The following TMEM178A variants were observed in gnomAD, a reference collection of about 807,000 sequenced individuals.
TMEM178A encodes transmembrane protein 178A, also known as transmembrane protein 178.
A neutral mutation model predicts 29.1 loss-of-function variants in TMEM178A; 12 were observed. The observed-to-expected ratio is 0.41, with a 90% CI of 0.26 to 0.67. The LOEUF is 0.67. TMEM178A is among the 30% of genes least tolerant of loss of function. TMEM178A has a pLI of 0.29. For missense variants in TMEM178A, 366 were observed against 419.1 expected, an observed-to-expected ratio of 0.87 and a Z score of 1.11; for synonymous variants, 210 against 187.2, an observed-to-expected ratio of 1.12 and a Z score of -0.99.
the TMEM178A span, among the ~76,000 whole-genome samples, chr2:39,726,252 G>C: frequency 1.3e-5 from 2 of 152,186 alleles, no homozygotes; most frequent in East Asian, 3.9e-4. Flanking sequence ...GGGATGGCCA[G>C]TTTAGGGAAG....
At chr2:39,689,220 C>A (rs1245074919) in intron 1 of TMEM178A, among the ~76,000 whole-genome samples, 3 of 152,138 alleles carry the variant, frequency 2.0e-5, no homozygotes, top group Non-Finnish European at 2.9e-5. Flanking sequence ...CACTGCCAAC[C>A]CATGCTAAAA....
chr2:39,709,429 C>T (rs1344360874), intron 3 of TMEM178A, among the ~76,000 whole-genome samples: 1 of 152,190 alleles, frequency 6.6e-6, no homozygotes, highest in East Asian at 1.9e-4. Flanking sequence ...TACACAGTGG[C>T]CACCAGGACT....
chr2:39,719,830 G>A (rs760118513), downstream of TMEM178A, among the ~76,000 whole-genome samples: 2 of 151,898 alleles, frequency 1.3e-5, no homozygotes, highest in Non-Finnish European at 2.9e-5. Context: ...ATGGACCCTC[G>A]ATAATCGAGA....
chr2:39,684,639 T>TC (rs1670997412), intron 1 of TMEM178A, among the ~76,000 whole-genome samples: 1 of 152,228 alleles, frequency 6.6e-6, no homozygotes, highest in Non-Finnish European at 1.5e-5. Context: ...TATCACCTCC[T>TC]TGCTTAAATC....
At chr2:39,688,419 C>T (rs1438546980) in intron 1 of TMEM178A, among the ~76,000 whole-genome samples, 1 of 152,222 alleles carries the variant, frequency 6.6e-6, no homozygotes. Context: ...AGGGCCCTGC[C>T]CTGACTGTCA....
chr2:39,691,342 C>G (rs917116177), intron 1 of TMEM178A, among the ~76,000 whole-genome samples: 3 of 152,080 alleles, frequency 2.0e-5, no homozygotes, highest in Non-Finnish European at 4.4e-5. Flanking sequence ...ATAAGACTAC[C>G]AGTGGATTTC....
chr2:39,670,106 G>T (rs1250075955), intron 1 of TMEM178A, among the ~76,000 whole-genome samples: 1 of 152,154 alleles, frequency 6.6e-6, no homozygotes, highest in Admixed American at 6.5e-5. Flanking sequence ...TTCACCCAGC[G>T]ATTTGAGTGC....
chr2:39,666,183 C>A lies in TMEM178A; in HGVS notation c.209C>A (p.Ser70Ter). The A allele has an allele frequency of 6.8e-7, 1 of 1,464,256 alleles. No individual in the cohort carries two copies. The highest frequency in any genetic ancestry group is 9.0e-7 in the Non-Finnish European group (1 of 1,111,840). The allele number at this position is 1,464,256 out of a possible 1,614,324, so 90.7% of individuals were successfully genotyped here. A position where few individuals can be genotyped will look rare whatever the true frequency, so the allele number is the denominator to read the frequency against. ...MPLSHLPLRD[S>*]PPLGRRLLPG... ...CTGTCGCACCTGCCGCTGCGGGACTCGCCCCCGCTGGGGCGCCGGCTGCTC... is the reference window on the plus strand; with the variant it reads ...CTGTCGCACCTGCCGCTGCGGGACTAGCCCCCGCTGGGGCGCCGGCTGCTC... The change falls in exon 1 of 4, where the codon TCG (serine) becomes TAG (stop). Residue 70 changes from serine to a stop codon, truncating the protein, a stop_gained. Transcript: ENST00000281961. LOFTEE classifies it high-confidence loss of function.
chr2:39,673,260 T>A (rs2540254), intron 1 of TMEM178A, among the ~76,000 whole-genome samples: 5,517 of 152,242 alleles, frequency 0.036, 347 homozygotes, highest in African/African-American at 0.13. Flanking sequence ...CTGCACCCCA[T>A]CTTTCTTGCA....
intron 1 of TMEM178A, among the ~76,000 whole-genome samples, chr2:39,699,998 G>A (rs1671711180): frequency 6.6e-6 from 1 of 152,008 alleles, no homozygotes; most frequent in Non-Finnish European, 1.5e-5. Context: ...TTGCATTGTG[G>A]TGAGAGAACT....
intron 1 of TMEM178A, among the ~76,000 whole-genome samples, chr2:39,675,856 T>G (rs1670601547): frequency 6.6e-6 from 1 of 152,214 alleles, no homozygotes; most frequent in Non-Finnish European, 1.5e-5. Context: ...CATACTTTGC[T>G]GCAGCCCCAA....
chr2:39,677,748 C>A (rs571312911), intron 1 of TMEM178A, among the ~76,000 whole-genome samples: 1 of 149,854 alleles, frequency 6.7e-6, no homozygotes, highest in African/African-American at 2.5e-5. Flanking sequence ...TCCTCTTGGA[C>A]CTCTCGTTCG....
chr2:39,667,241 GTT>G (rs1670206452), intron 1 of TMEM178A, among the ~76,000 whole-genome samples: 1 of 151,784 alleles, frequency 6.6e-6, no homozygotes, highest in Non-Finnish European at 1.5e-5. Flanking sequence ...TGTTTTTGTT[GTT>G]TGTTTTGTTT....
chr2:39,711,614 C>A (rs947350741), intron 3 of TMEM178A, among the ~76,000 whole-genome samples: 1 of 152,160 alleles, frequency 6.6e-6, no homozygotes, highest in East Asian at 1.9e-4. Flanking sequence ...CCCACCCACA[C>A]TGGTTATTCA....
intron 1 of TMEM178A, among the ~76,000 whole-genome samples, chr2:39,677,320 AAAC>A (rs768045281): frequency 1.6e-4 from 25 of 152,172 alleles, no homozygotes; most frequent in South Asian, 6.2e-4. Context: ...TCTTGGAGGA[AAAC>A]AACAACAACA....
chr2:39,665,957 G>A lies in TMEM178A; in HGVS notation c.-18G>A. ...GCGGCGCGCGAGCCCACCGGCGGCT[G>A]CGGCGGGGCGGGAAGCCATGGAGCC... On this transcript the variant is annotated 5_prime_UTR_variant, in exon 1 of 4. Coordinates refer to ENST00000281961, the MANE Select transcript of TMEM178A (RefSeq NM_152390.3). The A allele has an allele frequency of 7.5e-7, 1 of 1,338,794 alleles. No homozygotes were observed. Among genetic ancestry groups the A allele is most frequent in the African/African-American group, 1.5e-5 (1 of 65,194 alleles). The allele number at this position is 1,338,794 out of a possible 1,614,324, so 82.9% of individuals were successfully genotyped here.
chr2:39,734,986 C>CA, the TMEM178A span, among the ~76,000 whole-genome samples: 41 of 152,280 alleles, frequency 2.7e-4, no homozygotes, highest in Non-Finnish European at 4.9e-4. Context: ...TGAATCATTG[C>CA]AAAAAACTCC....
downstream of TMEM178A, among the ~76,000 whole-genome samples, chr2:39,721,985 C>CA (rs57605942): frequency 0.011 from 457 of 40,094 alleles, 51 homozygotes; most frequent in African/African-American, 0.036. Context: ...AGACCAGTCT[C>CA]AAAAAAAAAA....
At chr2:39,725,537 GA>G in the TMEM178A span, among the ~76,000 whole-genome samples, 1 of 152,172 alleles carries the variant, frequency 6.6e-6, no homozygotes, top group East Asian at 1.9e-4. Flanking sequence ...CAATGCGGGG[GA>G]AACTTGGTTC....
Sources: gnomAD v4.1 joint callset for allele counts (sites outside exome capture counted in the v4.1 genomes callset) on GRCh38, gnomAD v4.1.1 for gene constraint, MANE v1.5 for transcripts, NCBI Gene and HGNC (gene_info 2026-07-23, HGNC 2026-07-21) for gene names.